The following ALG11 variants were observed in gnomAD, a reference collection of about 807,000 sequenced individuals.
The protein encoded by ALG11 is ALG11 alpha-1,2-mannosyltransferase.
A neutral mutation model predicts 38.8 loss-of-function variants in ALG11; 26 were observed. That is an observed-to-expected ratio of 0.67 (90% CI 0.49 to 0.93). The LOEUF is 0.93. ALG11 is among the 40% of genes least tolerant of loss of function. The pLI, the probability that ALG11 is intolerant of heterozygous loss-of-function variation, is 0.00. For missense variants in ALG11, 535 were observed against 578.8 expected (o/e 0.92, Z 0.78); for synonymous variants, 199 against 211.6 (o/e 0.94, Z 0.52).
chr13:52,024,663 G>A lies in ALG11; in HGVS notation c.933G>A (p.Pro311=), dbSNP rs61958802. ...HLLVSVGQFR[P]EKNHPLQIRA... is the part of the protein sequence containing the mutation. ...TGGTTTCTGTTGGCCAGTTTAGGCC[G>A]GAAAAGAATCATCCATTGCAGATCA... is the stretch of plus-strand genomic sequence containing the variant. The change falls in exon 3 of 4, where the codon CCG becomes CCA. Residue 311 remains proline (P), a synonymous_variant. Transcript: ENST00000521508. The A allele has an allele frequency of 0.045, 72,797 of 1,613,952 alleles. 1,975 individuals carry two copies. The highest frequency in any genetic ancestry group is 0.09 in the South Asian group (8,193 of 91,056).
At position 52,023,988 on chromosome 13, in the gene ALG11, C is replaced by A; in HGVS notation, c.276-18C>A. 1 of 1,611,282 alleles carries A rather than the reference C, an allele frequency of 6.2e-7. No homozygotes were observed. The highest frequency in any genetic ancestry group is 8.5e-7 in the Non-Finnish European group (1 of 1,177,594). The stretch of plus-strand genomic sequence containing the variant: ...TTTTGTAACTTAATATATTCTTAAC[C>A]ATTACATTCTATTTTAGGTATCCTG... On this transcript the variant is annotated intron_variant, in intron 2 of 3. Transcript: ENST00000521508.
chr13:52,018,900 C>T lies in ALG11; in HGVS notation c.45-13C>T. The T allele has an allele frequency of 1.2e-6, 2 of 1,606,658 alleles. No individual in the cohort carries two copies. Among genetic ancestry groups the T allele is most frequent in the East Asian group, 2.2e-5 (1 of 44,790 alleles). On this transcript the variant is annotated splice_polypyrimidine_tract_variant and intron_variant, in intron 1 of 3. Transcript: ENST00000521508. ...ATATCACATTGATTCTCAACTTTGT[C>T]CTCTTATTTCAGGTTTTTTTATTCA...
Position 52,019,126 on chromosome 13 carries a change from A to G in ALG11, c.258A>G (p.Leu86=), listed in dbSNP as rs780423566. The G allele has an allele frequency of 6.2e-7, 1 of 1,613,928 alleles. No homozygotes were observed. Among genetic ancestry groups the G allele is most frequent in the Non-Finnish European group, 8.5e-7 (1 of 1,179,868 alleles). ...GAGAAAGAGTTTTATGGTGTGCTTT[A>G]AGAGCCCTGCAGAAAAAGTAGGTAT... is the stretch of plus-strand genomic sequence containing the variant. ...GGGERVLWCA[L]RALQKKYPEA... The change falls in exon 2 of 4, where the codon TTA becomes TTG. Residue 86 remains leucine (L), a synonymous_variant. Transcript: ENST00000521508.
At chr13:52,025,525 T>C (rs1158813666) in intron 3 of ALG11, among the ~76,000 whole-genome samples, 1 of 152,264 alleles carries the variant, frequency 6.6e-6, no homozygotes, top group African/African-American at 2.4e-5. Context: ...TAGGGGCTTC[T>C]CACAGTAACT....
intron 3 of ALG11, among the ~76,000 whole-genome samples, chr13:52,026,912 C>T (rs1737022347): frequency 6.6e-6 from 1 of 152,094 alleles, no homozygotes; most frequent in Non-Finnish European, 1.5e-5. Context: ...GGAATATGTA[C>T]AGAGTGAAAA....
intron 1 of ALG11, chr13:52,016,417 C>T (rs1180164523): frequency 3.3e-5 from 5 of 152,204 alleles, no homozygotes. Context: ...GAAAATGTCT[C>T]CAGGCAATGT....
intron 2 of ALG11, chr13:52,020,772 TTACTC>T (rs1954177472): frequency 6.6e-6 from 1 of 152,264 alleles, no homozygotes; most frequent in Admixed American, 6.5e-5. Flanking sequence ...CACAGGTACT[TTACTC>T]TGACATGCAG....
At chr13:52,014,785 C>T (rs548534819) in intron 1 of ALG11, among the ~76,000 whole-genome samples, 79 of 152,198 alleles carry the variant, frequency 5.2e-4, no homozygotes, top group African/African-American at 1.9e-3. Context: ...GGACAACCTC[C>T]GCAACAAATA....
In ALG11 at chr13:52,024,936, T is replaced by C; in HGVS notation, c.1206T>C (p.Ile402=). ...CCATGTGGAACGAGCATTTTGGGAT[T>C]GGTGAGTTTGGCCTTTAAACAACTT... ...LHTMWNEHFG[I]GVVECMAAGT... The change falls in exon 3 of 4, where the codon ATT becomes ATC. Residue 402 remains isoleucine (I), a splice_region_variant and synonymous_variant. Transcript: ENST00000521508. The C allele has an allele frequency of 6.2e-7, 1 of 1,607,472 alleles. No individual in the cohort carries two copies. Among genetic ancestry groups the C allele is most frequent in the African/African-American group, 1.3e-5 (1 of 75,052 alleles).
At position 52,030,608 on chromosome 13, in the gene ALG11, G is replaced by T. The variant is rs748102129; in HGVS notation, c.*2018G>T. The T allele has an allele frequency of 9.3e-6, 15 of 1,614,084 alleles. No individual in the cohort carries two copies. Among genetic ancestry groups the T allele is most frequent in the Admixed American group, 5.0e-5 (3 of 60,006 alleles). ...GATAAAGGAAGCTTTTGCTGGGGAT[G>T]ATGTCATCAGAGATTTCTTGAAAGA... On this transcript the variant is annotated 3_prime_UTR_variant, in exon 4 of 4. Transcript: ENST00000521508.
chr13:52,019,814 C>T (rs1231441649), intron 2 of ALG11, among the ~76,000 whole-genome samples: 1 of 152,166 alleles, frequency 6.6e-6, no homozygotes, highest in Non-Finnish European at 1.5e-5. Context: ...GCACCAGCTT[C>T]TCCAGAGGCT....
intron 1 of ALG11, 108 bp from the exon 2 acceptor site, chr13:52,018,805 C>T (rs927494122): frequency 3.2e-5 from 29 of 912,682 alleles, no homozygotes; most frequent in African/African-American, 1.5e-4. Flanking sequence ...AAAGACAATT[C>T]TCTCTTTGTT....
chr13:52,028,409 A>T lies in ALG11; in HGVS notation c.1298A>T (p.Asp433Val). The change falls in exon 4 of 4, where the codon GAT becomes GTT. Residue 433 changes from aspartate to valine, a missense_variant. Transcript: ENST00000521508. ...GACATTGTGGTTCCTCACGAAGGAG[A>T]TATAACTGGCTTTCTGGCTGAGAGT... ...KLDIVVPHEG[D>V]ITGFLAESEE... 1 of 1,614,170 alleles carries T rather than the reference A, an allele frequency of 6.2e-7. No homozygotes were observed. The highest frequency in any genetic ancestry group is 8.5e-7 in the Non-Finnish European group (1 of 1,180,046).
At position 52,018,960 on chromosome 13, in the gene ALG11, T is replaced by C. The variant is rs763004116; in HGVS notation, c.92T>C (p.Leu31Ser). Residue 31 changes from leucine to serine, a missense_variant, in exon 2 of 4, where the codon TTA becomes TCA. Physicochemically the swap from Leu to Ser is moderately radical, Grantham distance 145 (BLOSUM62 -2). Transcript: ENST00000521508. The stretch of plus-strand genomic sequence containing the variant: ...CCTGGGCTCATTGTATGTGGAACTT[T>C]ATGTGTGTGTTTGGTCATTGTCCTT... ...FFPGLIVCGT[L>S]CVCLVIVLWG... 12 of 1,613,994 alleles carry C rather than the reference T, an allele frequency of 7.4e-6. No homozygotes were observed. The South Asian group carries it at 8.8e-5, about 12-fold the overall frequency.
chr13:52,024,996 T>G (rs1954227078), intron 3 of ALG11, 59 bp downstream of exon 3: 2 of 1,523,136 alleles, frequency 1.3e-6, no homozygotes, highest in Non-Finnish European at 1.8e-6. Flanking sequence ...TTAAGTTCTT[T>G]TGATAAAATG....
rs746679389 is a variant in ALG11, at chr13:52,030,182, G to A, written c.*1592G>A. 2 of 1,614,192 alleles carry A rather than the reference G, an allele frequency of 1.2e-6. No individual in the cohort carries two copies. Among genetic ancestry groups the A allele is most frequent in the East Asian group, 2.2e-5 (1 of 44,886 alleles). The stretch of plus-strand genomic sequence containing the variant: ...CCAGGAGGTGCTGTCCGAATTGAGG[G>A]CACTATCTCAGAAATTGAAGGAAAA... On this transcript the variant is annotated 3_prime_UTR_variant, in exon 4 of 4. Coordinates refer to ENST00000521508, the MANE Select transcript of ALG11 (RefSeq NM_001004127.3).
Position 52,012,482 on chromosome 13 carries a change from G to T in ALG11, c.44+20G>T, listed in dbSNP as rs200503510. On this transcript the variant is annotated intron_variant, in intron 1 of 3. Transcript: ENST00000521508. Reference sequence around the variant, plus strand: ...GTTGAGGTGAGCAGCCGGTCGTGTGGGCTCACAGACGTTTTCTCTTCTGTA... The same window carrying T: ...GTTGAGGTGAGCAGCCGGTCGTGTGTGCTCACAGACGTTTTCTCTTCTGTA... The T allele has an allele frequency of 2.2e-3, 3,629 of 1,614,048 alleles. 2 individuals carry two copies. Among genetic ancestry groups the T allele is most frequent in the Non-Finnish European group, 2.8e-3 (3,294 of 1,180,026 alleles).
At position 52,030,890 on chromosome 13, in the gene ALG11, A is replaced by G; in HGVS notation, c.*2300A>G. 1 of 1,614,212 alleles carries G rather than the reference A, an allele frequency of 6.2e-7. No individual in the cohort carries two copies. Among genetic ancestry groups the G allele is most frequent in the Non-Finnish European group, 8.5e-7 (1 of 1,180,032 alleles). On this transcript the variant is annotated 3_prime_UTR_variant, in exon 4 of 4. Transcript: ENST00000521508. ...ATTTACCCACCATCGGCAATTTGAA[A>G]GGACCATCCAGACCCCTATAGGATC...
At position 52,029,348 on chromosome 13, in the gene ALG11, C is replaced by G; in HGVS notation, c.*758C>G. ...GCTCAGTGGCTGGAAGGCAAGAACT[C>G]CCCTGGAGCAGGAAATTTTTAACCT... On this transcript the variant is annotated 3_prime_UTR_variant, in exon 4 of 4. Coordinates refer to ENST00000521508, the MANE Select transcript of ALG11 (RefSeq NM_001004127.3). 1 of 1,614,112 alleles carries G rather than the reference C, an allele frequency of 6.2e-7. No homozygotes were observed. The highest frequency in any genetic ancestry group is 8.5e-7 in the Non-Finnish European group (1 of 1,180,014).
Sources: gnomAD v4.1 joint callset for allele counts (sites outside exome capture counted in the v4.1 genomes callset) on GRCh38, gnomAD v4.1.1 for gene constraint, MANE v1.5 for transcripts, NCBI Gene and HGNC (gene_info 2026-07-23, HGNC 2026-07-21) for gene names.